The following MEMO1 variants were observed in gnomAD, a reference collection of about 807,000 sequenced individuals.
MEMO1 encodes protein MEMO1.
MEMO1 carries 6 observed loss-of-function variants against 45.2 expected under a neutral mutation model. That is an observed-to-expected ratio of 0.13 (90% CI 0.07 to 0.26). The LOEUF (loss-of-function observed/expected upper bound fraction) is 0.26, where lower values mean the gene tolerates loss of function less well. Ranked by LOEUF, MEMO1 falls within the 10% of genes least tolerant of loss-of-function variation. MEMO1 has a pLI of 1.00. For missense variants in MEMO1, 184 were observed against 370.5 expected, an observed-to-expected ratio of 0.50 and a Z score of 4.13; for synonymous variants, 78 against 124.3, an observed-to-expected ratio of 0.63 and a Z score of 2.48.
chr2:31,920,332 T>C (rs1282988996), intron 5 of MEMO1, among the ~76,000 whole-genome samples: 1 of 152,186 alleles, frequency 6.6e-6, no homozygotes, highest in Non-Finnish European at 1.5e-5. Context: ...ATCATTTATA[T>C]AGCACCTTTC....
chr2:31,987,031 T>C (rs1393365190), intron 2 of MEMO1, among the ~76,000 whole-genome samples: 1 of 152,100 alleles, frequency 6.6e-6, no homozygotes, highest in Non-Finnish European at 1.5e-5. Context: ...TGAGATGTGT[T>C]CTCACTCTGC....
In MEMO1 at chr2:31,910,588, C is replaced by T. The variant is rs113986876; in HGVS notation, c.437+7338G>A. On this transcript the variant is annotated intron_variant, in intron 6 of 9. Coordinates refer to ENST00000404530, the MANE Select transcript of MEMO1 (RefSeq NM_001301833.4). ...TTATTTGAAAGTTGTTAGCCGGGTG[C>T]AGTGGCTCCTGCCTGTAATCCTGTA... is the stretch of plus-strand genomic sequence containing the variant. 9.2e-3 allele frequency among the ~76,000 whole-genome samples: 1,404 copies of T among 152,296 alleles called. 35 individuals are homozygous for T. Among genetic ancestry groups the T allele is most frequent in the African/African-American group, 0.032 (1,318 of 41,570 alleles).
chr2:31,997,773 T>C (rs1672778392), intron 2 of MEMO1, among the ~76,000 whole-genome samples: 1 of 152,164 alleles, frequency 6.6e-6, no homozygotes, highest in Admixed American at 6.6e-5. Context: ...AGTTGGAATG[T>C]GGTTATGTAA....
chr2:31,992,727 T>G (rs1190040718), intron 2 of MEMO1, among the ~76,000 whole-genome samples: 1 of 152,098 alleles, frequency 6.6e-6, no homozygotes, highest in Non-Finnish European at 1.5e-5. Flanking sequence ...GAGGGTGCAG[T>G]GAGCCGAGAT....
Position 32,005,147 on chromosome 2 carries a change from T to C in MEMO1, c.61+5040A>G, listed in dbSNP as rs1673899448. ...ATACAACATGTATTAATCTTACAAA[T>C]GTAACACCGAGCAAAAGCTCAAAGG... On this transcript the variant is annotated intron_variant, in intron 2 of 9. Transcript: ENST00000404530. Among the ~76,000 whole-genome samples the C allele has an allele frequency of 4.6e-5, 7 of 151,586 alleles. No homozygotes were observed. In the South Asian group the frequency reaches 1.5e-3, roughly 32 times the overall value.
At chr2:31,948,628 G>C (rs1441496560) in intron 2 of MEMO1, among the ~76,000 whole-genome samples, 1 of 152,216 alleles carries the variant, frequency 6.6e-6, no homozygotes, top group Non-Finnish European at 1.5e-5. Flanking sequence ...AGAGGGCACA[G>C]TGGCTCACAC....
At chr2:31,981,798 T>C (rs1370300751) in intron 2 of MEMO1, among the ~76,000 whole-genome samples, 1 of 152,192 alleles carries the variant, frequency 6.6e-6, no homozygotes, top group African/African-American at 2.4e-5. Context: ...ACAGGCATAA[T>C]GACACCTAAA....
At chr2:32,004,717 A>G (rs996358558) in intron 2 of MEMO1, among the ~76,000 whole-genome samples, 1 of 152,150 alleles carries the variant, frequency 6.6e-6, no homozygotes, top group Non-Finnish European at 1.5e-5. Flanking sequence ...ACCTGAGGTC[A>G]GGAGTTCAAG....
At chr2:31,972,159 T>C (rs56137971) in intron 2 of MEMO1, among the ~76,000 whole-genome samples, 1 of 152,186 alleles carries the variant, frequency 6.6e-6, no homozygotes, top group African/African-American at 2.4e-5. Flanking sequence ...CTATAACTGA[T>C]GTAGCAGAGA....
intron 2 of MEMO1, among the ~76,000 whole-genome samples, chr2:32,004,927 A>C (rs548947883): frequency 7.4e-6 from 1 of 134,948 alleles, no homozygotes; most frequent in East Asian, 2.0e-4. Flanking sequence ...ACCCCGTTTC[A>C]AAAAAAAAAA....
intron 6 of MEMO1, among the ~76,000 whole-genome samples, chr2:31,905,535 C>A (rs1053366557): frequency 6.6e-6 from 1 of 152,136 alleles, no homozygotes; most frequent in Non-Finnish European, 1.5e-5. Flanking sequence ...AAAACTCAAC[C>A]ATTTGAAGCT....
chr2:31,968,586 G>T (rs1413754145), intron 2 of MEMO1, among the ~76,000 whole-genome samples: 5 of 152,156 alleles, frequency 3.3e-5, no homozygotes, highest in Admixed American at 6.5e-5. Context: ...AGTCCCCCAA[G>T]AAGTGTCAGA....
At chr2:31,974,375 G>A (rs544712227) in intron 2 of MEMO1, among the ~76,000 whole-genome samples, 1 of 152,110 alleles carries the variant, frequency 6.6e-6, no homozygotes, top group African/African-American at 2.4e-5. Flanking sequence ...ACTTATCCCT[G>A]ACAAGATGGT....
At chr2:31,888,640 A>C (rs1676517602) in intron 7 of MEMO1, among the ~76,000 whole-genome samples, 1 of 152,120 alleles carries the variant, frequency 6.6e-6, no homozygotes, top group Non-Finnish European at 1.5e-5. Flanking sequence ...ACTAGTGGCA[A>C]ATGTCTTTTC....
rs188756924 is a variant in MEMO1 at position 31,974,394 on chromosome 2, T to C, written c.62-31011A>G. ...ATCCCTGACAAGATGGTTTATGTAA[T>C]GAATATTTAAGGTGTTATATACTTT... On this transcript the variant is annotated intron_variant, in intron 2 of 9. Transcript: ENST00000404530. Among the ~76,000 whole-genome samples, 242 of 152,312 alleles carry C rather than the reference T, an allele frequency of 1.6e-3. 1 individual carries two copies. The highest frequency in any genetic ancestry group is 5.4e-3 in the African/African-American group (225 of 41,570).
At chr2:31,947,265 T>C (rs1390955498) in intron 2 of MEMO1, among the ~76,000 whole-genome samples, 2 of 152,234 alleles carry the variant, frequency 1.3e-5, no homozygotes, top group Non-Finnish European at 2.9e-5. Context: ...AGCTTTCATA[T>C]GGCTACTTCT....
chr2:31,956,904 G>C (rs1667471792), intron 2 of MEMO1, among the ~76,000 whole-genome samples: 1 of 152,150 alleles, frequency 6.6e-6, no homozygotes, highest in South Asian at 2.1e-4. Context: ...AGCACTTTGG[G>C]AGGCCGAGGC....
intron 3 of MEMO1, 85 bp downstream of exon 3, chr2:31,943,217 A>C (rs2148321572): frequency 2.0e-6 from 2 of 997,698 alleles, no homozygotes; most frequent in South Asian, 2.6e-5. Context: ...GTGAGCCGAG[A>C]CCATGCCACT....
intron 2 of MEMO1, among the ~76,000 whole-genome samples, chr2:31,957,614 T>C (rs1667551267): frequency 6.6e-6 from 1 of 152,166 alleles, no homozygotes; most frequent in Non-Finnish European, 1.5e-5. Context: ...TCACCAAATA[T>C]CTGGTAGAAA....
Sources: allele counts gnomAD v4.1 joint callset (sites outside exome capture counted in the v4.1 genomes callset), GRCh38; gene constraint gnomAD v4.1.1; transcripts MANE v1.5; gene names NCBI Gene and HGNC (gene_info 2026-07-23, HGNC 2026-07-21).